LRRFIP1: variants seen among roughly 807,000 people sequenced by gnomAD.
The protein encoded by LRRFIP1 is leucine-rich repeat flightless-interacting protein 1.
In LRRFIP1, 62 loss-of-function variants were observed where a neutral mutation model predicts 104.4. The observed-to-expected ratio is 0.59, with a 90% CI of 0.48 to 0.73. LRRFIP1 has a LOEUF of 0.73. LRRFIP1 is among the 30% of genes least tolerant of loss of function. The probability of loss-of-function intolerance (pLI) is 0.00; values close to 1 mark genes in which losing one functional copy is unlikely to be tolerated. For missense variants in LRRFIP1, 796 were observed against 824.5 expected (o/e 0.97, Z 0.42); for synonymous variants, 300 against 299.0 (o/e 1.00, Z -0.03).
intron 1 of LRRFIP1, among the ~76,000 whole-genome samples, chr2:237,670,274 G>T (rs2090127549): frequency 6.6e-6 from 1 of 152,232 alleles, no homozygotes; most frequent in African/African-American, 2.4e-5. Flanking sequence ...TCCCTTGGCT[G>T]TGTGGCCTTG....
intron 1 of LRRFIP1, among the ~76,000 whole-genome samples, chr2:237,692,816 C>A (rs918952200): frequency 2.6e-5 from 4 of 152,264 alleles, no homozygotes; most frequent in African/African-American, 9.6e-5. Flanking sequence ...AGGCTCTGAC[C>A]AGGTCTGCGC....
At chr2:237,676,843 T>C (rs1326994268) in intron 1 of LRRFIP1, among the ~76,000 whole-genome samples, 1 of 152,164 alleles carries the variant, frequency 6.6e-6, no homozygotes, top group Non-Finnish European at 1.5e-5. Context: ...CTGGTTGCCT[T>C]CTCTGAAAGT....
intron 1 of LRRFIP1, among the ~76,000 whole-genome samples, chr2:237,640,494 T>C (rs1292651917): frequency 6.6e-6 from 1 of 151,992 alleles, no homozygotes; most frequent in Non-Finnish European, 1.5e-5. Flanking sequence ...CCCTCAACTT[T>C]AGTCTCACCT....
At chr2:237,673,847 G>A (rs1036114923) in intron 1 of LRRFIP1, among the ~76,000 whole-genome samples, 10 of 152,174 alleles carry the variant, frequency 6.6e-5, no homozygotes, top group Admixed American at 5.9e-4. Context: ...AGAGGTGGGC[G>A]GAGGCTGTCT....
intron 1 of LRRFIP1, among the ~76,000 whole-genome samples, chr2:237,672,366 T>C (rs7562075): frequency 0.68 from 103,278 of 151,962 alleles, 35,250 homozygotes; most frequent in Middle Eastern, 0.8. Context: ...AGAGTGAGGA[T>C]CGATGCCCCA....
chr2:237,719,117 T>A (rs1240322899), intron 4 of LRRFIP1, among the ~76,000 whole-genome samples: 1 of 152,178 alleles, frequency 6.6e-6, no homozygotes, highest in Admixed American at 6.5e-5. Context: ...CAATACATAG[T>A]AGAAAGAGTG....
chr2:237,779,542 C>A lies in LRRFIP1; in HGVS notation c.*10C>A. Reference sequence around the variant, plus strand: ...CTTGTCCCAGCAGTAAATTCCAGCTCTGATCAGGCAACTGGTTGGTGACTG... The same window carrying A: ...CTTGTCCCAGCAGTAAATTCCAGCTATGATCAGGCAACTGGTTGGTGACTG... On this transcript the variant is annotated 3_prime_UTR_variant, in exon 24 of 24. Coordinates refer to ENST00000308482, the MANE Select transcript of LRRFIP1 (RefSeq NM_001137550.2). 1 of 1,606,548 alleles carries A rather than the reference C, an allele frequency of 6.2e-7. No individual in the cohort carries two copies. The highest frequency in any genetic ancestry group is 1.1e-5 in the South Asian group (1 of 90,866).
intron 1 of LRRFIP1, chr2:237,692,215 C>G (rs2092839835): frequency 1.2e-5 from 13 of 1,084,404 alleles, no homozygotes; most frequent in Non-Finnish European, 1.5e-5. Flanking sequence ...GCCCTTCCAC[C>G]CCGAGCCCGA....
chr2:237,639,656 G>A (rs11675453), intron 1 of LRRFIP1, among the ~76,000 whole-genome samples: 38,302 of 152,090 alleles, frequency 0.25, 5,167 homozygotes, highest in East Asian at 0.43. Context: ...GCCTGGAGCC[G>A]GCTCCAGAGG....
At chr2:237,775,968 T>G (rs62196065) in intron 23 of LRRFIP1, among the ~76,000 whole-genome samples, 7,066 of 152,016 alleles carry the variant, frequency 0.046, 182 homozygotes, top group Middle Eastern at 0.13. Context: ...GATTTTATTT[T>G]ATTTATTTAT....
Position 237,720,792 on chromosome 2 carries a change from C to A in LRRFIP1, c.315C>A (p.Arg105=), listed in dbSNP as rs775191410. ...AATAGGCTTCTGATGAAGACGAGCG[C>A]ATGTCAGTGGGTAGTCGTGGAAGCC... ...RNTSASDEDE[R]MSVGSRGSLR... Residue 105 remains arginine, a synonymous_variant, in exon 6 of 24, where the codon CGC becomes CGA. Transcript: ENST00000308482. The A allele has an allele frequency of 6.2e-7, 1 of 1,614,060 alleles. No homozygotes were observed. Among genetic ancestry groups the A allele is most frequent in the South Asian group, 1.1e-5 (1 of 91,086 alleles).
At chr2:237,643,331 G>A (rs774561561) in intron 1 of LRRFIP1, among the ~76,000 whole-genome samples, 14 of 152,228 alleles carry the variant, frequency 9.2e-5, no homozygotes, top group African/African-American at 3.1e-4. Context: ...CTCTGGGGGT[G>A]GAGCCGGGCA....
At chr2:237,656,290 G>A (rs1304665711) in intron 1 of LRRFIP1, among the ~76,000 whole-genome samples, 1 of 152,216 alleles carries the variant, frequency 6.6e-6, no homozygotes, top group Non-Finnish European at 1.5e-5. Context: ...GGATTACACT[G>A]AGAAAAATTA....
At position 237,691,626 on chromosome 2, in the gene LRRFIP1, G is replaced by T. The variant is rs1025395098; in HGVS notation, c.97-16918G>T. 6.6e-6 allele frequency among the ~76,000 whole-genome samples: 1 copy of T among 152,160 alleles called. No homozygotes were observed. Among genetic ancestry groups the T allele is most frequent in the African/African-American group, 2.4e-5 (1 of 41,434 alleles). ...TTCCGCGTCCAGGAAGCTCAGCGTG[G>T]CCTGAGGGTGATGGATGTGGGGGAG... On this transcript the variant is annotated intron_variant, in intron 1 of 23. Coordinates refer to ENST00000308482, the MANE Select transcript of LRRFIP1 (RefSeq NM_001137550.2). The surrounding 1 kb of genome is among the most constrained non-coding windows in gnomAD (Gnocchi z 5.4).
chr2:237,690,026 G>A (rs1009958193), intron 1 of LRRFIP1, among the ~76,000 whole-genome samples: 3 of 152,228 alleles, frequency 2.0e-5, no homozygotes, highest in Admixed American at 2.0e-4. Flanking sequence ...GCCAGGAACT[G>A]AACGAGGTGG....
intron 21 of LRRFIP1, 130 bp from the exon 22 acceptor site, chr2:237,772,736 T>C (rs2060760108): frequency 3.0e-6 from 2 of 667,088 alleles, no homozygotes; most frequent in East Asian, 2.6e-5. Context: ...TGGGAGGTTG[T>C]GGAGGCAGGG....
chr2:237,657,012 C>A (rs1340534526), intron 1 of LRRFIP1, among the ~76,000 whole-genome samples: 2 of 152,168 alleles, frequency 1.3e-5, no homozygotes, highest in Non-Finnish European at 2.9e-5. Flanking sequence ...TAAACTTACC[C>A]ATGAAGGGGC....
chr2:237,748,149 G>A (rs1366889668), intron 11 of LRRFIP1, among the ~76,000 whole-genome samples: 1 of 152,158 alleles, frequency 6.6e-6, no homozygotes, highest in Non-Finnish European at 1.5e-5. Flanking sequence ...GGTCCTCAGG[G>A]ACGTCCAAAT....
intron 19 of LRRFIP1, chr2:237,763,738 C>T (rs777036668): frequency 1.2e-6 from 2 of 1,614,180 alleles, no homozygotes; most frequent in Non-Finnish European, 1.7e-6. Flanking sequence ...CTGATGGAGA[C>T]ACATTAGATT....
Sources: gnomAD v4.1 joint callset for allele counts (sites outside exome capture counted in the v4.1 genomes callset) on GRCh38, gnomAD v4.1.1 for gene constraint, Gnocchi (gnomAD v3.1) non-coding constraint, MANE v1.5 for transcripts, NCBI Gene and HGNC (gene_info 2026-07-23, HGNC 2026-07-21) for gene names.